Variants in ABR observed in about 807,000 individuals in gnomAD.
ABR encodes the protein ABR activator of RhoGEF and GTPase, also known as active breakpoint cluster region-related protein.
Under a neutral mutation model 107.2 loss-of-function variants are expected in ABR, and 35 were observed. The observed-to-expected ratio is 0.33, with a 90% CI of 0.25 to 0.43. The LOEUF is 0.43. ABR is among the 20% of genes least tolerant of loss of function. The probability of loss-of-function intolerance (pLI) is 1.00; values close to 1 mark genes in which losing one functional copy is unlikely to be tolerated. For missense variants in ABR, 815 were observed against 1,115.2 expected (o/e 0.73, Z 3.83); for synonymous variants, 498 against 462.0 (o/e 1.08, Z -1.00).
At chr17:1,054,163 G>T (rs773808912) in intron 14 of ABR, among the ~76,000 whole-genome samples, 2 of 152,226 alleles carry the variant, frequency 1.3e-5, no homozygotes, top group Non-Finnish European at 2.9e-5. Context: ...CCGTGACCTC[G>T]GCGGGATGCC....
At chr17:1,088,156 A>T (rs1234493239) in intron 4 of ABR, among the ~76,000 whole-genome samples, 1 of 152,036 alleles carries the variant, frequency 6.6e-6, no homozygotes, top group Admixed American at 6.6e-5. Flanking sequence ...TGGGGAGGGA[A>T]AGTGGTGGGT....
rs186665862 is a variant in ABR at position 1,124,539 on chromosome 17, C to T, written c.246+644G>A. Among the ~76,000 whole-genome samples, 7 of 152,364 alleles carry T rather than the reference C, an allele frequency of 4.6e-5. No homozygotes were observed. In the East Asian group the frequency reaches 1.3e-3, roughly 29 times the overall value. On this transcript the variant is annotated intron_variant, in intron 2 of 22. Transcript: ENST00000302538. ...CTCAGACAGCGTCAGTCCCTGTCGC[C>T]AGGAACACGTTAATGACAAGGACCG...
At chr17:1,134,454 AAAG>A in intron 1 of ABR, among the ~76,000 whole-genome samples, 1 of 152,312 alleles carries the variant, frequency 6.6e-6, no homozygotes, top group East Asian at 1.9e-4. Flanking sequence ...TAAATAAATA[AAAG>A]AACAGAGCCA....
chr17:1,171,409 C>G (rs913213294), intron 1 of ABR, among the ~76,000 whole-genome samples: 1 of 152,174 alleles, frequency 6.6e-6, no homozygotes, highest in Non-Finnish European at 1.5e-5. Flanking sequence ...TACCAGGCTT[C>G]TCTAGGCAGC....
At chr17:1,022,863 G>A (rs1161555932) in intron 16 of ABR, among the ~76,000 whole-genome samples, 1 of 152,246 alleles carries the variant, frequency 6.6e-6, no homozygotes, top group Non-Finnish European at 1.5e-5. Context: ...GAACTTCGAA[G>A]TTCCCCAAGC....
intron 2 of ABR, among the ~76,000 whole-genome samples, chr17:1,120,962 A>G (rs367844081): frequency 8.5e-5 from 13 of 152,178 alleles, no homozygotes; most frequent in African/African-American, 2.7e-4. Context: ...CTGTAAGACC[A>G]TGGTCCTGCC....
chr17:1,135,079 G>A (rs1292170760), intron 1 of ABR, among the ~76,000 whole-genome samples: 2 of 152,224 alleles, frequency 1.3e-5, no homozygotes, highest in African/African-American at 4.8e-5. Context: ...GTGGGGGACA[G>A]GAGCAGAGTT....
At chr17:1,014,403 T>A (rs965176013) in intron 16 of ABR, among the ~76,000 whole-genome samples, 38 of 146,672 alleles carry the variant, frequency 2.6e-4, no homozygotes, top group South Asian at 8.9e-4. Context: ...ATCGCGCCAC[T>A]GCACTCCAGC....
intron 18 of ABR, 196 bp downstream of exon 18, chr17:1,012,492 T>C: frequency 1.4e-6 from 1 of 700,696 alleles, no homozygotes; most frequent in Non-Finnish European, 2.6e-6. Flanking sequence ...GTTTAGGTGC[T>C]GGCTCGCGTG....
chr17:1,225,919 G>A (rs1056946591), intron 1 of ABR, among the ~76,000 whole-genome samples: 2 of 152,158 alleles, frequency 1.3e-5, no homozygotes, highest in East Asian at 1.9e-4. Context: ...GTTTAATTCC[G>A]TGTTTTCAAA....
At chr17:1,190,816 C>T (rs911620487), upstream of ABR, among the ~76,000 whole-genome samples, 10 of 152,328 alleles carry the variant, frequency 6.6e-5, no homozygotes, top group South Asian at 6.2e-4. Flanking sequence ...TGCCCCACGG[C>T]GCTGCAGGCG....
In ABR at chr17:1,079,350, T is replaced by C; in HGVS notation, c.680A>G (p.His227Arg). 6.2e-7 allele frequency: 1 copy of C among 1,613,656 alleles called. No homozygotes were observed. The highest frequency in any genetic ancestry group is 8.5e-7 in the Non-Finnish European group (1 of 1,179,788). Residue 227 changes from histidine (H) to arginine (R), a missense_variant, in exon 6 of 23, where the codon CAC becomes CGC. His to Arg is a conservative substitution (Grantham distance 29, BLOSUM62 0). Transcript: ENST00000302538. ...VKGPKDSKDS[H>R]TSVTMEALLY... ...GGTACCTTCCATGGTGACAGACGTG[T>C]GGCTGTCCTTGGAGTCCTTGGGACC...
intron 1 of ABR, among the ~76,000 whole-genome samples, chr17:1,138,107 T>G (rs1188513919): frequency 6.6e-6 from 1 of 151,576 alleles, no homozygotes; most frequent in East Asian, 1.9e-4. Context: ...TTTCAGCATG[T>G]TGGCCAGGTT....
chr17:1,079,223 TCACA>T (rs1000644641), intron 6 of ABR, 103 bp downstream of exon 6: 23 of 1,517,110 alleles, frequency 1.5e-5, no homozygotes, highest in South Asian at 4.8e-5. Flanking sequence ...TCACACGCGC[TCACA>T]CACACGCACA....
chr17:1,050,300 G>T lies in ABR; in HGVS notation c.1660-119C>A. 4 of 1,342,578 alleles carry T rather than the reference G, an allele frequency of 3.0e-6. No homozygotes were observed. Among genetic ancestry groups the T allele is most frequent in the Non-Finnish European group, 4.0e-6 (4 of 992,038 alleles). 83.2% of individuals were successfully genotyped at this position (1,342,578 alleles called of 1,614,324 possible). A position where few individuals can be genotyped will look rare whatever the true frequency, so the allele number is the denominator to read the frequency against. Reference sequence around the variant, plus strand: ...AGTAAGCACGGCCCACGAAGGACACGTCAGATTTTCTGGAGCTCCCAGAGG... The same window carrying T: ...AGTAAGCACGGCCCACGAAGGACACTTCAGATTTTCTGGAGCTCCCAGAGG... On this transcript the variant is annotated intron_variant, in intron 15 of 22. Coordinates refer to ENST00000302538, the MANE Select transcript of ABR (RefSeq NM_021962.5). This position sits in a 1 kb window ranked among gnomAD's most constrained non-coding sequence, Gnocchi z 4.6.
At chr17:1,048,965 G>A (rs182833075) in intron 16 of ABR, among the ~76,000 whole-genome samples, 12 of 152,284 alleles carry the variant, frequency 7.9e-5, no homozygotes, top group African/African-American at 2.9e-4. Context: ...GGCACAGCAC[G>A]AGGCCACACG....
At chr17:1,089,956 G>A (rs780806500) in intron 4 of ABR, among the ~76,000 whole-genome samples, 6 of 152,176 alleles carry the variant, frequency 3.9e-5, no homozygotes, top group Admixed American at 1.3e-4. Flanking sequence ...GTGAGACTCC[G>A]TCTCAACAAA....
At chr17:1,158,009 C>T (rs761818694) in intron 1 of ABR, among the ~76,000 whole-genome samples, 2 of 152,248 alleles carry the variant, frequency 1.3e-5, no homozygotes, top group South Asian at 2.1e-4. Context: ...ATGTGTGTCG[C>T]GTTGCAGCAT....
upstream of ABR, among the ~76,000 whole-genome samples, chr17:1,187,499 G>T (rs953714417): frequency 6.6e-6 from 1 of 152,256 alleles, no homozygotes; most frequent in Admixed American, 6.5e-5. Flanking sequence ...ACAGCTGGGG[G>T]AGTCAGGAGG....
Sources: allele counts gnomAD v4.1 joint callset (sites outside exome capture counted in the v4.1 genomes callset), GRCh38; gene constraint gnomAD v4.1.1; non-coding constraint Gnocchi (gnomAD v3.1); transcripts MANE v1.5; gene names NCBI Gene and HGNC (gene_info 2026-07-23, HGNC 2026-07-21).